RAB3GAP1: variants seen among roughly 807,000 people sequenced by gnomAD.
RAB3GAP1 encodes the protein RAB3 GTPase activating protein catalytic subunit 1.
A neutral mutation model predicts 130.7 loss-of-function variants in RAB3GAP1; 86 were observed. That is an observed-to-expected ratio of 0.66 (90% CI 0.55 to 0.79). The LOEUF (loss-of-function observed/expected upper bound fraction) is 0.79, where lower values mean the gene tolerates loss of function less well. RAB3GAP1 is among the 30% of genes least tolerant of loss of function. RAB3GAP1 has a pLI of 0.00. For missense variants in RAB3GAP1, 1,029 were observed against 1,169.4 expected (o/e 0.88, Z 1.75); for synonymous variants, 367 against 401.7 (o/e 0.91, Z 1.03).
intron 17 of RAB3GAP1, among the ~76,000 whole-genome samples, chr2:135,137,565 T>C (rs1691709111): frequency 6.6e-6 from 1 of 152,202 alleles, no homozygotes; most frequent in South Asian, 2.1e-4. Flanking sequence ...TCCAGCTCTT[T>C]AGAGGATCTG....
chr2:135,062,160 C>T (rs1313513868), intron 3 of RAB3GAP1, among the ~76,000 whole-genome samples: 2 of 152,124 alleles, frequency 1.3e-5, no homozygotes, highest in Non-Finnish European at 2.9e-5. Context: ...CTGATCCGCC[C>T]GCCTCGGCTT....
intron 19 of RAB3GAP1, among the ~76,000 whole-genome samples, chr2:135,160,182 G>A (rs1692425880): frequency 6.6e-6 from 1 of 152,148 alleles, no homozygotes; most frequent in South Asian, 2.1e-4. Context: ...AGAAACTAAG[G>A]AAATCTGAAT....
intron 21 of RAB3GAP1, 35 bp from the exon 22 acceptor site, chr2:135,162,951 C>A (rs2104998371): frequency 6.3e-7 from 1 of 1,588,840 alleles, no homozygotes; most frequent in East Asian, 2.2e-5. Flanking sequence ...TTTTTGCCAT[C>A]TCGCAATGTA....
chr2:135,172,940 T>A (rs1692898308), downstream of RAB3GAP1, among the ~76,000 whole-genome samples: 1 of 152,108 alleles, frequency 6.6e-6, no homozygotes, highest in South Asian at 2.1e-4. Context: ...CCATTGCAAC[T>A]TCTATTTTGG....
intron 17 of RAB3GAP1, among the ~76,000 whole-genome samples, chr2:135,148,269 T>G (rs945208267): frequency 9.2e-5 from 14 of 152,170 alleles, no homozygotes; most frequent in East Asian, 7.7e-4. Flanking sequence ...AGAAGTTAGC[T>G]CAAAATGTGC....
chr2:135,081,706 G>GA (rs1465381347), intron 3 of RAB3GAP1, among the ~76,000 whole-genome samples: 1 of 152,058 alleles, frequency 6.6e-6, no homozygotes, highest in Non-Finnish European at 1.5e-5. Flanking sequence ...TTTTATTCCA[G>GA]AAATAGATGA....
chr2:135,169,974 T>TAAA lies in RAB3GAP1; in HGVS notation c.*1206_*1208dup, dbSNP rs200869351. 3.2e-5 allele frequency: 7 copies of TAAA among 215,462 alleles called. No individual in the cohort carries two copies. The highest frequency in any genetic ancestry group is 1.1e-4 in the South Asian group (2 of 17,426). The allele number at this position is 215,462 out of a possible 1,614,324, so 13.3% of individuals were successfully genotyped here. A position where few individuals can be genotyped will look rare whatever the true frequency, so the allele number is the denominator to read the frequency against. ...AGCTGTGCAAACCCTGTTATTTTTG[T>TAAA]AAAAAAAAAAAAAAATACATATCTA... is the stretch of plus-strand genomic sequence containing the variant. On this transcript the variant is annotated 3_prime_UTR_variant, in exon 24 of 24. Transcript: ENST00000264158.
At chr2:135,122,112 T>G (rs539447202) in intron 8 of RAB3GAP1, among the ~76,000 whole-genome samples, 45 of 151,728 alleles carry the variant, frequency 3.0e-4, no homozygotes, top group African/African-American at 9.9e-4. Flanking sequence ...AGAAAAAAAA[T>G]TAATGTAATA....
At chr2:135,068,834 A>G (rs983454974) in intron 3 of RAB3GAP1, among the ~76,000 whole-genome samples, 2 of 152,256 alleles carry the variant, frequency 1.3e-5, no homozygotes, top group Non-Finnish European at 2.9e-5. Flanking sequence ...ATTCTAAACA[A>G]CAAACATCAA....
intron 13 of RAB3GAP1, among the ~76,000 whole-genome samples, chr2:135,132,197 A>G (rs746581358): frequency 1.3e-5 from 2 of 152,228 alleles, no homozygotes; most frequent in South Asian, 2.1e-4. Context: ...CCACAAAACA[A>G]TTGAGAGGAA....
At chr2:135,087,246 G>T (rs1345009235) in intron 3 of RAB3GAP1, among the ~76,000 whole-genome samples, 1 of 152,094 alleles carries the variant, frequency 6.6e-6, no homozygotes, top group African/African-American at 2.4e-5. Context: ...GTTATTTCTG[G>T]ACTCTATTTC....
At chr2:135,164,087 G>T (rs1406348295) in intron 22 of RAB3GAP1, among the ~76,000 whole-genome samples, 1 of 152,122 alleles carries the variant, frequency 6.6e-6, no homozygotes, top group East Asian at 1.9e-4. Flanking sequence ...GACATACTTG[G>T]AAGTTCAGTG....
At chr2:135,074,289 G>A (rs58247770) in intron 3 of RAB3GAP1, among the ~76,000 whole-genome samples, 9,080 of 152,300 alleles carry the variant, frequency 0.06, 522 homozygotes, top group African/African-American at 0.15. Flanking sequence ...CTGCCTGCCA[G>A]TTATGCCAAA....
chr2:135,063,058 G>T (rs147603512), intron 3 of RAB3GAP1, among the ~76,000 whole-genome samples: 5 of 152,258 alleles, frequency 3.3e-5, no homozygotes, highest in Admixed American at 2.0e-4. Flanking sequence ...TAGAACTGCT[G>T]CAAGTAGACA....
At chr2:135,163,983 T>G (rs139806207) in intron 22 of RAB3GAP1, among the ~76,000 whole-genome samples, 1 of 152,348 alleles carries the variant, frequency 6.6e-6, no homozygotes, top group East Asian at 1.9e-4. Context: ...AGGGACTCGT[T>G]TCTAAAATAG....
intron 3 of RAB3GAP1, among the ~76,000 whole-genome samples, chr2:135,077,938 G>T (rs7588784): frequency 6.6e-6 from 1 of 151,908 alleles, no homozygotes; most frequent in Non-Finnish European, 1.5e-5. Flanking sequence ...TTTATATATT[G>T]TATATTAATC....
At chr2:135,092,299 A>G (rs1397882513) in intron 4 of RAB3GAP1, among the ~76,000 whole-genome samples, 1 of 152,210 alleles carries the variant, frequency 6.6e-6, no homozygotes, top group Non-Finnish European at 1.5e-5. Context: ...ACTATTCAAG[A>G]TAGCGAAAAT....
chr2:135,126,252 A>T lies in RAB3GAP1; in HGVS notation c.899+3A>T. ...ATTGTGGATAATGATGTTTATTCGTAAGTATGTTAAGAGTAGTAGTACACT... is the reference window on the plus strand; with the variant it reads ...ATTGTGGATAATGATGTTTATTCGTTAGTATGTTAAGAGTAGTAGTACACT... On this transcript the variant is annotated splice_donor_region_variant and intron_variant, in intron 10 of 23. Coordinates refer to ENST00000264158, the MANE Select transcript of RAB3GAP1 (RefSeq NM_012233.3). The T allele has an allele frequency of 6.2e-7, 1 of 1,607,118 alleles. No homozygotes were observed. The highest frequency in any genetic ancestry group is 8.5e-7 in the Non-Finnish European group (1 of 1,173,910).
At chr2:135,082,165 A>AATG (rs1558767033) in intron 3 of RAB3GAP1, among the ~76,000 whole-genome samples, 1 of 102,698 alleles carries the variant, frequency 9.7e-6, no homozygotes, top group African/African-American at 7.2e-5. Flanking sequence ...ATGAATGAAT[A>AATG]AATAAATAAA....
Sources: allele counts gnomAD v4.1 joint callset (sites outside exome capture counted in the v4.1 genomes callset), GRCh38; gene constraint gnomAD v4.1.1; transcripts MANE v1.5; gene names NCBI Gene and HGNC (gene_info 2026-07-23, HGNC 2026-07-21).